The following TULP4 variants were observed in gnomAD, a reference collection of about 807,000 sequenced individuals.
TULP4 encodes the protein TUB like protein 4.
TULP4 carries 16 observed loss-of-function variants against 129.0 expected under a neutral mutation model. The observed-to-expected ratio is 0.12, with a 90% CI of 0.08 to 0.19. The LOEUF (loss-of-function observed/expected upper bound fraction) is 0.19. Among genes scored for constraint, TULP4 ranks in the 10% least tolerant of loss-of-function variants. The pLI is 1.00. For missense variants in TULP4, 1,842 were observed against 2,059.1 expected (o/e 0.89, Z 2.04); for synonymous variants, 998 against 854.0 (o/e 1.17, Z -2.94).
At chr6:158,482,668 G>A (rs1053213186) in intron 8 of TULP4, among the ~76,000 whole-genome samples, 1 of 152,188 alleles carries the variant, frequency 6.6e-6, no homozygotes, top group Admixed American at 6.5e-5. Flanking sequence ...CGTGGGACAG[G>A]CCCTGAGCCC....
rs1417285444 is a variant in TULP4 at position 158,493,950 on chromosome 6, C to T, written c.1776+233C>T. ...TGCAGTGACGGTGGGAGAGAACCTC[C>T]CACTTCCCATCACAGCTCCCACCGT... is the stretch of plus-strand genomic sequence containing the variant. On this transcript the variant is annotated intron_variant, in intron 10 of 13. Transcript: ENST00000367097. The surrounding 1 kb of genome is among the most constrained non-coding windows in gnomAD (Gnocchi z 4.4). Among the ~76,000 whole-genome samples, 2 of 151,874 alleles carry T rather than the reference C, an allele frequency of 1.3e-5. No individual in the cohort carries two copies. The highest frequency in any genetic ancestry group is 2.9e-5 in the Non-Finnish European group (2 of 67,914).
intron 3 of TULP4, among the ~76,000 whole-genome samples, chr6:158,431,323 A>G (rs753904971): frequency 1.3e-5 from 2 of 152,184 alleles, no homozygotes; most frequent in Non-Finnish European, 2.9e-5. Flanking sequence ...ATGAAGGAAC[A>G]GATGTGAAAG....
At chr6:158,324,273 C>T (rs774952647) in intron 1 of TULP4, among the ~76,000 whole-genome samples, 3 of 152,180 alleles carry the variant, frequency 2.0e-5, no homozygotes, top group Non-Finnish European at 1.5e-5. Context: ...CTTACATTCC[C>T]TGACTATAGC....
chr6:158,285,204 G>A (rs1398061034), intron 1 of TULP4, among the ~76,000 whole-genome samples: 1 of 152,026 alleles, frequency 6.6e-6, no homozygotes, highest in Non-Finnish European at 1.5e-5. Flanking sequence ...TTAGCTTTAT[G>A]TTGTCTAGTC....
chr6:158,304,424 AAC>A (rs1172097972), intron 1 of TULP4, among the ~76,000 whole-genome samples: 5 of 152,198 alleles, frequency 3.3e-5, no homozygotes, highest in African/African-American at 9.6e-5. Context: ...AATTATTAGA[AAC>A]AGGTTTGTTT....
At chr6:158,484,454 A>G (rs1016725682) in intron 8 of TULP4, among the ~76,000 whole-genome samples, 2 of 151,972 alleles carry the variant, frequency 1.3e-5, no homozygotes, top group Admixed American at 6.6e-5. Flanking sequence ...TGGCCCACAC[A>G]TTTTCTAAAG....
chr6:158,352,822 C>T (rs968242766), intron 1 of TULP4, among the ~76,000 whole-genome samples: 1 of 152,200 alleles, frequency 6.6e-6, no homozygotes, highest in Admixed American at 6.5e-5. Context: ...CCTTTAATCA[C>T]ACCCTCTGTA....
At chr6:158,389,044 C>G (rs1310449419) in intron 1 of TULP4, among the ~76,000 whole-genome samples, 1 of 152,234 alleles carries the variant, frequency 6.6e-6, no homozygotes, top group Non-Finnish European at 1.5e-5. Flanking sequence ...ATGTGGTGTA[C>G]TGATTTATAG....
At chr6:158,306,201 G>A (rs1290694749) in intron 1 of TULP4, among the ~76,000 whole-genome samples, 1 of 152,172 alleles carries the variant, frequency 6.6e-6, no homozygotes, top group African/African-American at 2.4e-5. Context: ...TATGTGAAAT[G>A]GAACACTGTG....
intron 1 of TULP4, among the ~76,000 whole-genome samples, chr6:158,341,601 T>C (rs949038885): frequency 6.6e-6 from 1 of 152,194 alleles, no homozygotes; most frequent in African/African-American, 2.4e-5. Context: ...TGGAAAAAGC[T>C]GTTTTAACTG....
At position 158,508,310 on chromosome 6, in the gene TULP4, T is replaced by C. The variant is rs566257770; in HGVS notation, c.*1616T>C. 33 of 152,328 alleles carry C rather than the reference T, an allele frequency of 2.2e-4. No individual in the cohort carries two copies. Among genetic ancestry groups the C allele is most frequent in the African/African-American group, 7.0e-4 (29 of 41,572 alleles). The allele number at this position is 152,328 out of a possible 1,614,324, so 9.4% of individuals were successfully genotyped here. A position where few individuals can be genotyped will look rare whatever the true frequency, so the allele number is the denominator to read the frequency against. ...TGCATTTTATTTGGAAACAGACAAG[T>C]AGAAGATGCTACAGAAAAGTATTTT... On this transcript the variant is annotated 3_prime_UTR_variant, in exon 14 of 14. Coordinates refer to ENST00000367097, the MANE Select transcript of TULP4 (RefSeq NM_020245.5).
At chr6:158,349,058 C>T (rs796141483) in intron 1 of TULP4, among the ~76,000 whole-genome samples, 92 of 10,292 alleles carry the variant, frequency 8.9e-3, no homozygotes, top group African/African-American at 0.013. Context: ...ACTTCCCAGA[C>T]GGGGCGGCCA....
At chr6:158,410,056 G>A (rs536196906) in intron 1 of TULP4, among the ~76,000 whole-genome samples, 4 of 152,054 alleles carry the variant, frequency 2.6e-5, no homozygotes, top group East Asian at 1.9e-4. Flanking sequence ...GGGTTTCACC[G>A]TGTTAGCCAG....
intron 1 of TULP4, among the ~76,000 whole-genome samples, chr6:158,245,395 T>TAA (rs1212875187): frequency 1.3e-5 from 2 of 152,074 alleles, no homozygotes; most frequent in African/African-American, 4.8e-5. Context: ...CTTGCTGATC[T>TAA]TATTATTTGG....
At chr6:158,488,181 A>T (rs1344073577) in intron 8 of TULP4, among the ~76,000 whole-genome samples, 1 of 152,164 alleles carries the variant, frequency 6.6e-6, no homozygotes, top group Non-Finnish European at 1.5e-5. Flanking sequence ...CCTGGCATTG[A>T]TGAGTGAGTC....
At chr6:158,492,780 T>C (rs923944894) in intron 9 of TULP4, among the ~76,000 whole-genome samples, 4 of 152,224 alleles carry the variant, frequency 2.6e-5, no homozygotes, top group African/African-American at 9.7e-5. Flanking sequence ...CATTTTTTCA[T>C]AGACTGTTTT....
In TULP4 at chr6:158,502,686, C is replaced by T; in HGVS notation, c.3023C>T (p.Pro1008Leu). ...MAQLADSPRA[P>L]LQPLAKSKGG... Reference sequence around the variant, plus strand: ...CAGCTGGCCGACAGCCCGCGGGCCCCCCTGCAGCCCCTGGCCAAGTCCAAG... The same window carrying T: ...CAGCTGGCCGACAGCCCGCGGGCCCTCCTGCAGCCCCTGGCCAAGTCCAAG... The change falls in exon 13 of 14, where the codon CCC becomes CTC. Residue 1008 changes from proline (P) to leucine (L), a missense_variant. By Grantham distance (98) the Pro-to-Leu change is moderately conservative (BLOSUM62 -3). Coordinates refer to ENST00000367097, the MANE Select transcript of TULP4 (RefSeq NM_020245.5). The T allele has an allele frequency of 1.3e-6, 2 of 1,556,282 alleles. No individual in the cohort carries two copies. The highest frequency in any genetic ancestry group is 1.7e-6 in the Non-Finnish European group (2 of 1,156,496).
intron 1 of TULP4, among the ~76,000 whole-genome samples, chr6:158,261,165 A>C (rs532346820): frequency 2.1e-4 from 32 of 152,320 alleles, no homozygotes; most frequent in African/African-American, 7.5e-4. Flanking sequence ...ATTTTCTGGC[A>C]TGATAAAAAC....
At chr6:158,499,859 A>G (rs1334475325) in intron 12 of TULP4, among the ~76,000 whole-genome samples, 1 of 152,246 alleles carries the variant, frequency 6.6e-6, no homozygotes, top group Admixed American at 6.5e-5. Flanking sequence ...AGAAAAAAAA[A>G]TGATTTATAC....
Sources: gnomAD v4.1 joint callset for allele counts (sites outside exome capture counted in the v4.1 genomes callset) on GRCh38, gnomAD v4.1.1 for gene constraint, Gnocchi (gnomAD v3.1) non-coding constraint, MANE v1.5 for transcripts, NCBI Gene and HGNC (gene_info 2026-07-23, HGNC 2026-07-21) for gene names.